The following SPSB1 variants were observed in gnomAD, a reference collection of about 807,000 sequenced individuals.
The protein encoded by SPSB1 is SPRY domain-containing SOCS box protein 1.
SPSB1 carries 8 observed loss-of-function variants against 21.2 expected under a neutral mutation model. The ratio of observed to expected loss-of-function variants is 0.38; its 90% CI spans 0.22 to 0.68. The LOEUF is 0.68. Among genes scored for constraint, SPSB1 ranks in the 30% least tolerant of loss-of-function variants. The pLI is 0.53. For missense variants in SPSB1, 242 were observed against 377.8 expected (o/e 0.64, Z 2.98); for synonymous variants, 169 against 161.7 (o/e 1.05, Z -0.34).
intron 1 of SPSB1, among the ~76,000 whole-genome samples, chr1:9,299,763 G>A (rs2100459544): frequency 6.6e-6 from 1 of 151,988 alleles, no homozygotes; most frequent in African/African-American, 2.4e-5. Flanking sequence ...ACAGGCATGA[G>A]CCACTGCGCC....
chr1:9,307,848 C>T (rs1639445429), intron 1 of SPSB1, among the ~76,000 whole-genome samples: 1 of 152,162 alleles, frequency 6.6e-6, no homozygotes, highest in Admixed American at 6.5e-5. Context: ...TTTGTAAATC[C>T]ATGATGTGGT....
chr1:9,335,202 C>T (rs1294020), intron 1 of SPSB1, among the ~76,000 whole-genome samples: 114,960 of 152,106 alleles, frequency 0.76, 44,322 homozygotes, highest in African/African-American at 0.91. Context: ...ATCTTTGTGC[C>T]TCAAAAGAAT....
chr1:9,361,818 A>G (rs1344444504), intron 2 of SPSB1, among the ~76,000 whole-genome samples: 1 of 151,868 alleles, frequency 6.6e-6, no homozygotes, highest in Non-Finnish European at 1.5e-5. Flanking sequence ...GCCTGGCCTG[A>G]CCCCGGGCCT....
rs760717112 is a variant in SPSB1 at position 9,363,356 on chromosome 1, C to T, written c.695-4092C>T. ...GCCATTCACTGCCACTTCTCTAGCC[C>T]GTCTTGGTGGATCCCATGACCCATC... On this transcript the variant is annotated intron_variant, in intron 2 of 2. Coordinates refer to ENST00000328089, the MANE Select transcript of SPSB1 (RefSeq NM_025106.4). This position sits in a 1 kb window ranked among gnomAD's most constrained non-coding sequence, Gnocchi z 4.5. Among the ~76,000 whole-genome samples, 8 of 152,112 alleles carry T rather than the reference C, an allele frequency of 5.3e-5. No individual in the cohort carries two copies. Among genetic ancestry groups the T allele is most frequent in the Non-Finnish European group, 1.2e-4 (8 of 68,012 alleles).
At chr1:9,318,247 A>G (rs554202925) in intron 1 of SPSB1, among the ~76,000 whole-genome samples, 119 of 152,350 alleles carry the variant, frequency 7.8e-4, no homozygotes, top group African/African-American at 2.6e-3. Flanking sequence ...AGCCGGCAGC[A>G]GAACAGTGAC....
At position 9,367,455 on chromosome 1, in the gene SPSB1, G is replaced by A. The variant is rs776808212; in HGVS notation, c.702G>A (p.Pro234=). Residue 234 remains proline (P), a synonymous_variant, in exon 3 of 3, where the codon CCG becomes CCA. Coordinates refer to ENST00000328089, the MANE Select transcript of SPSB1 (RefSeq NM_025106.4). This position sits in a 1 kb window ranked among gnomAD's most constrained non-coding sequence, Gnocchi z 5.9. Reference sequence around the variant, plus strand: ...GTTTCTCTGTCTCCCCAGCCGAGCCGCTGCCGCTCATGGATTTGTGCCGTC... The same window carrying A: ...GTTTCTCTGTCTCCCCAGCCGAGCCACTGCCGCTCATGGATTTGTGCCGTC... ...MRYLNGLDPE[P]LPLMDLCRRS... 8.7e-6 allele frequency: 14 copies of A among 1,613,514 alleles called. No individual in the cohort carries two copies. The highest frequency in any genetic ancestry group is 1.7e-4 in the Middle Eastern group (1 of 6,048).
intron 1 of SPSB1, among the ~76,000 whole-genome samples, chr1:9,320,510 T>C (rs2100481793): frequency 6.6e-6 from 1 of 152,348 alleles, no homozygotes; most frequent in South Asian, 2.1e-4. Context: ...CATAGCACGC[T>C]GCTACTGAGA....
In SPSB1 at chr1:9,348,049, A is replaced by G. The variant is rs1640192900; in HGVS notation, c.-149-7694A>G. Among the ~76,000 whole-genome samples the G allele has an allele frequency of 6.7e-6, 1 of 148,442 alleles. No individual in the cohort carries two copies. The highest frequency in any genetic ancestry group is 2.5e-5 in the African/African-American group (1 of 39,998). ...AACCTCCGCCTCCTGGGTTCAAGTG[A>G]TTCTCCTGCCTCAGCCTCCCGAGTA... On this transcript the variant is annotated intron_variant, in intron 1 of 2. Transcript: ENST00000328089. This position sits in a 1 kb window ranked among gnomAD's most constrained non-coding sequence, Gnocchi z 4.8.
Position 9,355,997 on chromosome 1 carries a change from C to T in SPSB1, c.106C>T (p.Arg36Trp), listed in dbSNP as rs1484951264. The change falls in exon 2 of 3, where the codon CGG becomes TGG. Residue 36 changes from arginine to tryptophan, a missense_variant. Arg to Trp is a moderately radical substitution (Grantham distance 101). Transcript: ENST00000328089. ...GGGTCTGGATTACTGCAAGCCCACC[C>T]GGCTGGATCTGCTACTGGACATGCC... is the stretch of plus-strand genomic sequence containing the variant. ...LQGLDYCKPT[R>W]LDLLLDMPPV... 4 of 1,614,116 alleles carry T rather than the reference C, an allele frequency of 2.5e-6. No individual in the cohort carries two copies. Among genetic ancestry groups the T allele is most frequent in the African/African-American group, 1.3e-5 (1 of 75,034 alleles).
rs1273520393 is a variant in SPSB1 at position 9,367,809 on chromosome 1, C to T, written c.*234C>T. The T allele has an allele frequency of 1.1e-5, 7 of 609,790 alleles. No homozygotes were observed. Among genetic ancestry groups the T allele is most frequent in the East Asian group, 2.9e-5 (1 of 34,882 alleles). The allele number at this position is 609,790 out of a possible 1,614,324, so 37.8% of individuals were successfully genotyped here. Reference sequence around the variant, plus strand: ...GAAGGCAGCATCCCTGCATGCCGTCCGTATACAACCCCTCTTTGAAAAAAG... The same window carrying T: ...GAAGGCAGCATCCCTGCATGCCGTCTGTATACAACCCCTCTTTGAAAAAAG... On this transcript the variant is annotated 3_prime_UTR_variant, in exon 3 of 3. Transcript: ENST00000328089. The surrounding 1 kb of genome is among the most constrained non-coding windows in gnomAD (Gnocchi z 5.9).
At chr1:9,319,899 G>A (rs1043628839) in intron 1 of SPSB1, among the ~76,000 whole-genome samples, 2 of 152,036 alleles carry the variant, frequency 1.3e-5, no homozygotes, top group Non-Finnish European at 2.9e-5. Flanking sequence ...CAGCCTCCCC[G>A]CCTATCTAGC....
chr1:9,319,082 G>T (rs899896709), intron 1 of SPSB1, among the ~76,000 whole-genome samples: 3 of 152,198 alleles, frequency 2.0e-5, no homozygotes, highest in African/African-American at 4.8e-5. Flanking sequence ...AGAGGCTGAG[G>T]TGGGAGAATT....
intron 1 of SPSB1, among the ~76,000 whole-genome samples, chr1:9,326,958 C>G (rs1390492105): frequency 1.3e-5 from 2 of 152,140 alleles, no homozygotes; most frequent in South Asian, 4.1e-4. Context: ...CTGCCCTTTT[C>G]CAGACTTCCA....
At position 9,292,953 on chromosome 1, in the gene SPSB1, CGG is replaced by C; in HGVS notation, c.-267_-266del. 2.4e-6 allele frequency: 2 copies of C among 820,206 alleles called. No individual in the cohort carries two copies. The highest frequency in any genetic ancestry group is 2.7e-6 in the Non-Finnish European group (2 of 748,124). The allele number at this position is 820,206 out of a possible 1,614,324, so 50.8% of individuals were successfully genotyped here. On this transcript the variant is annotated 5_prime_UTR_variant, in exon 1 of 3. Coordinates refer to ENST00000328089, the MANE Select transcript of SPSB1 (RefSeq NM_025106.4). ...GCAGCAGGAACCAGGCTCCAGGCGC[CGG>C]CGCCGGGGCCGGGGCCGCGGGGAGG... is the stretch of plus-strand genomic sequence containing the variant.
At chr1:9,343,616 C>A (rs510666) in intron 1 of SPSB1, among the ~76,000 whole-genome samples, 2 of 152,150 alleles carry the variant, frequency 1.3e-5, no homozygotes, top group East Asian at 3.9e-4. Flanking sequence ...CTAAACACAG[C>A]GACATTTTCA....
At chr1:9,366,518 A>G (rs1293803259) in intron 2 of SPSB1, among the ~76,000 whole-genome samples, 1 of 150,684 alleles carries the variant, frequency 6.6e-6, no homozygotes, top group East Asian at 2.0e-4. Flanking sequence ...CTGGATTCAG[A>G]TCCCAGCCCT....
intron 2 of SPSB1, among the ~76,000 whole-genome samples, chr1:9,365,763 C>T (rs60472004): frequency 0.014 from 2,075 of 152,222 alleles, 44 homozygotes; most frequent in African/African-American, 0.047. Flanking sequence ...TGGAGTTTTG[C>T]GGGTTCCTTT....
intron 1 of SPSB1, among the ~76,000 whole-genome samples, chr1:9,310,412 G>A (rs558360962): frequency 6.6e-6 from 1 of 152,216 alleles, no homozygotes; most frequent in Non-Finnish European, 1.5e-5. Flanking sequence ...GACCTAAAGG[G>A]CCGGGCACAG....
At chr1:9,328,289 T>C (rs575911458) in intron 1 of SPSB1, among the ~76,000 whole-genome samples, 4 of 152,314 alleles carry the variant, frequency 2.6e-5, no homozygotes, top group African/African-American at 7.2e-5. Context: ...TCATCCCTCA[T>C]GATGTTGTGC....
Sources: allele counts gnomAD v4.1 joint callset (sites outside exome capture counted in the v4.1 genomes callset), GRCh38; gene constraint gnomAD v4.1.1; non-coding constraint Gnocchi (gnomAD v3.1); transcripts MANE v1.5; gene names NCBI Gene and HGNC (gene_info 2026-07-23, HGNC 2026-07-21).